Variants in TENM2 observed in about 807,000 individuals in gnomAD.
TENM2 encodes teneurin-2.
TENM2 carries 52 observed loss-of-function variants against 245.2 expected under a neutral mutation model. The ratio of observed to expected loss-of-function variants is 0.21; its 90% CI spans 0.17 to 0.27. The LOEUF is 0.27. Among genes scored for constraint, TENM2 ranks in the 10% least tolerant of loss-of-function variants. The probability of loss-of-function intolerance (pLI) is 1.00; values close to 1 mark genes in which losing one functional copy is unlikely to be tolerated. For missense variants in TENM2, 3,046 were observed against 3,666.8 expected, an observed-to-expected ratio of 0.83 and a Z score of 4.37; for synonymous variants, 1,363 against 1,438.9, an observed-to-expected ratio of 0.95 and a Z score of 1.19.
chr5:167,462,174 G>GCCCCC (rs1185837325), intron 2 of TENM2, among the ~76,000 whole-genome samples: 15 of 58,912 alleles, frequency 2.5e-4, no homozygotes, highest in East Asian at 6.6e-4. Flanking sequence ...AGAGTTCCCT[G>GCCCCC]ACCCCCACCC....
chr5:168,130,170 C>T (rs1181779928), intron 12 of TENM2: 3 of 152,218 alleles, frequency 2.0e-5, no homozygotes, highest in African/African-American at 7.2e-5. Flanking sequence ...GCCCCAGGAT[C>T]AGTCCATGTT....
chr5:167,743,749 G>A (rs1348017328), intron 2 of TENM2, among the ~76,000 whole-genome samples: 2 of 152,112 alleles, frequency 1.3e-5, no homozygotes, highest in East Asian at 1.9e-4. Flanking sequence ...TTGATAGTTC[G>A]ATTGGAGAGA....
intron 1 of TENM2, among the ~76,000 whole-genome samples, chr5:167,286,091 C>T (rs1248523099): frequency 6.6e-6 from 1 of 152,048 alleles, no homozygotes; most frequent in Non-Finnish European, 1.5e-5. Context: ...TAGCACTATG[C>T]CCACGGTTTA....
the TENM2 span, among the ~76,000 whole-genome samples, chr5:167,151,459 C>A: frequency 2.0e-5 from 3 of 152,162 alleles, no homozygotes; most frequent in Non-Finnish European, 4.4e-5. Context: ...GTTACAACTA[C>A]GTGTGAGAAA....
intron 2 of TENM2, among the ~76,000 whole-genome samples, chr5:167,833,593 A>G (rs900469076): frequency 8.5e-5 from 13 of 152,200 alleles, no homozygotes; most frequent in African/African-American, 2.7e-4. Context: ...GTCTTTGCGT[A>G]ATCAGCGGCC....
chr5:167,210,212 A>G, the TENM2 span, among the ~76,000 whole-genome samples: 1 of 152,188 alleles, frequency 6.6e-6, no homozygotes, highest in Admixed American at 6.5e-5. Flanking sequence ...CACTTAGCTG[A>G]TAGTGCTTGA....
intron 2 of TENM2, among the ~76,000 whole-genome samples, chr5:167,714,516 T>C (rs544765995): frequency 3.3e-5 from 5 of 152,334 alleles, no homozygotes; most frequent in African/African-American, 1.2e-4. Flanking sequence ...AATCCTGCCT[T>C]CTTGTTTTGC....
chr5:167,252,743 T>C, the TENM2 span, among the ~76,000 whole-genome samples: 4 of 152,124 alleles, frequency 2.6e-5, no homozygotes, highest in African/African-American at 9.6e-5. Context: ...TCTGCTATAT[T>C]GGCTCAACTA....
rs368543584 is a variant in TENM2 at position 168,215,076 on chromosome 5, C to T, written c.3882C>T (p.Asp1294=). Residue 1294 remains aspartate, a synonymous_variant, in exon 21 of 29, where the codon GAC becomes GAT. Transcript: ENST00000518659. The stretch of plus-strand genomic sequence containing the variant: ...CACACAAGTACTACTTGGCAGTGGA[C>T]CCCGTGTCCGGCTCGCTCTACGTGT... 5.6e-6 allele frequency: 9 copies of T among 1,613,710 alleles called. No homozygotes were observed. The African/African-American group carries it at 9.4e-5, about 17-fold the overall frequency.
chr5:167,293,387 T>G (rs1038863863), intron 1 of TENM2, among the ~76,000 whole-genome samples: 1 of 136,180 alleles, frequency 7.3e-6, no homozygotes, highest in African/African-American at 3.0e-5. Flanking sequence ...TTTTTTTTTT[T>G]TTTGTATTTT....
chr5:167,034,360 G>A, the TENM2 span, among the ~76,000 whole-genome samples: 129 of 152,280 alleles, frequency 8.5e-4, 1 homozygote, highest in Middle Eastern at 3.4e-3. Context: ...GCCGGGCGCG[G>A]TGGCTCACGC....
intron 2 of TENM2, among the ~76,000 whole-genome samples, chr5:167,862,146 A>G (rs146194471): frequency 6.6e-6 from 1 of 152,212 alleles, no homozygotes; most frequent in African/African-American, 2.4e-5. Context: ...TAGGCTTGTA[A>G]AAAGTGAGGA....
the TENM2 span, among the ~76,000 whole-genome samples, chr5:166,982,819 T>TA: frequency 6.6e-6 from 1 of 151,894 alleles, no homozygotes; most frequent in African/African-American, 2.4e-5. Context: ...TGTCTTTTGA[T>TA]ACATTCTCAG....
intron 1 of TENM2, among the ~76,000 whole-genome samples, chr5:167,348,341 A>T (rs1032613958): frequency 3.2e-4 from 49 of 152,238 alleles, no homozygotes; most frequent in Non-Finnish European, 2.9e-5. Context: ...CATTATATTT[A>T]TATTTGTGCA....
intron 3 of TENM2, among the ~76,000 whole-genome samples, chr5:167,924,187 T>C (rs1777577023): frequency 1.3e-5 from 2 of 152,240 alleles, no homozygotes; most frequent in Non-Finnish European, 2.9e-5. Context: ...TTTGTCTTCA[T>C]GCATATTCCT....
chr5:167,109,891 T>G, the TENM2 span, among the ~76,000 whole-genome samples: 1 of 152,218 alleles, frequency 6.6e-6, no homozygotes, highest in African/African-American at 2.4e-5. Flanking sequence ...CAGAAATCTT[T>G]TGGCTGGAAG....
chr5:167,157,567 C>T, the TENM2 span, among the ~76,000 whole-genome samples: 1 of 152,158 alleles, frequency 6.6e-6, no homozygotes, highest in African/African-American at 2.4e-5. Context: ...TAAGTTCCCT[C>T]CAGATGTCTG....
chr5:167,070,934 G>GT, the TENM2 span, among the ~76,000 whole-genome samples: 1 of 152,094 alleles, frequency 6.6e-6, no homozygotes, highest in African/African-American at 2.4e-5. Context: ...TCTTATTATA[G>GT]TTTTTTTACT....
intron 12 of TENM2, among the ~76,000 whole-genome samples, chr5:168,161,300 CAG>C (rs1757720085): frequency 6.6e-6 from 1 of 152,096 alleles, no homozygotes; most frequent in African/African-American, 2.4e-5. Flanking sequence ...AAAATGGAAA[CAG>C]AGATGGTGGC....
Sources: allele counts gnomAD v4.1 joint callset (sites outside exome capture counted in the v4.1 genomes callset), GRCh38; gene constraint gnomAD v4.1.1; transcripts MANE v1.5; gene names NCBI Gene and HGNC (gene_info 2026-07-23, HGNC 2026-07-21).